Variants in MYRIP observed in about 807,000 individuals in gnomAD.
MYRIP encodes the protein rab effector MyRIP.
Under a neutral mutation model 98.0 loss-of-function variants are expected in MYRIP, and 49 were observed. That is an observed-to-expected ratio of 0.50 (90% CI 0.40 to 0.63). MYRIP has a LOEUF of 0.63. Ranked by LOEUF, MYRIP falls within the 30% of genes least tolerant of loss-of-function variation. The probability of loss-of-function intolerance (pLI) is 0.00; values close to 1 mark genes in which losing one functional copy is unlikely to be tolerated. For missense variants in MYRIP, 1,004 were observed against 1,058.2 expected (o/e 0.95, Z 0.71); for synonymous variants, 404 against 409.5 (o/e 0.99, Z 0.16).
intron 11 of MYRIP, among the ~76,000 whole-genome samples, chr3:40,220,091 A>G (rs1272617402): frequency 1.3e-5 from 2 of 151,438 alleles, no homozygotes; most frequent in Admixed American, 6.6e-5. Context: ...GCCAGTGATG[A>G]TGAGCATTTT....
intron 11 of MYRIP, among the ~76,000 whole-genome samples, chr3:40,218,613 T>TCACAC (rs1559460364): frequency 6.2e-5 from 1 of 16,248 alleles, no homozygotes; most frequent in East Asian, 2.3e-3. Context: ...ATATATATTT[T>TCACAC]ATATATATAT....
At chr3:40,193,871 T>C (rs1363928049) in intron 10 of MYRIP, among the ~76,000 whole-genome samples, 1 of 119,552 alleles carries the variant, frequency 8.4e-6, no homozygotes, top group Non-Finnish European at 1.8e-5. Context: ...CTAGCCTTGA[T>C]ATGCAATTTA....
In MYRIP at chr3:40,202,914, T is replaced by C. The variant is rs200109412; in HGVS notation, c.1666-6940T>C. 4.7e-3 allele frequency among the ~76,000 whole-genome samples: 522 copies of C among 110,210 alleles called. 3 individuals are homozygous for C. Among genetic ancestry groups the C allele is most frequent in the East Asian group, 8.1e-3 (37 of 4,550 alleles). The allele number at this position is 110,210 out of a possible 152,430, so 72.3% of individuals were successfully genotyped here. On this transcript the variant is annotated intron_variant, in intron 10 of 16. Coordinates refer to ENST00000302541, the MANE Select transcript of MYRIP (RefSeq NM_015460.4). ...CACCTCACCTCCATTTACTTATTTATTTATTTATTTATTTATTTATTTATT... is the reference window on the plus strand; with the variant it reads ...CACCTCACCTCCATTTACTTATTTACTTATTTATTTATTTATTTATTTATT...
chr3:39,877,778 G>T (rs1407040440), intron 1 of MYRIP, among the ~76,000 whole-genome samples: 1 of 152,184 alleles, frequency 6.6e-6, no homozygotes, highest in African/African-American at 2.4e-5. Flanking sequence ...CAGTTAGGCT[G>T]CTCGGGGGTC....
chr3:40,190,349 C>T lies in MYRIP; in HGVS notation c.1551C>T (p.Pro517=), dbSNP rs747715662. 6.2e-6 allele frequency: 10 copies of T among 1,613,828 alleles called. No individual in the cohort carries two copies. The highest frequency in any genetic ancestry group is 3.3e-5 in the Admixed American group (2 of 60,004). Residue 517 remains proline, a synonymous_variant, in exon 10 of 17, where the codon CCC becomes CCT. Transcript: ENST00000302541. The stretch of plus-strand genomic sequence containing the variant: ...ACAGCAGCGAGCCGGAGGAGGCCCC[C>T]CACACCACAGACCGGCGGGCCAGGA... ...TSDSSEPEEA[P]HTTDRRARRW...
intron 3 of MYRIP, among the ~76,000 whole-genome samples, chr3:40,059,544 C>CT (rs1213785559): frequency 6.6e-6 from 1 of 152,096 alleles, no homozygotes; most frequent in Non-Finnish European, 1.5e-5. Flanking sequence ...TGATGATGAG[C>CT]TTTTTTTCAT....
intron 3 of MYRIP, among the ~76,000 whole-genome samples, chr3:40,061,504 T>C (rs566773793): frequency 1.4e-4 from 22 of 152,372 alleles, no homozygotes; most frequent in African/African-American, 4.8e-4. Context: ...TTTAAGTTGA[T>C]TGCATGTCTT....
At chr3:40,103,468 C>T (rs565001451) in intron 3 of MYRIP, among the ~76,000 whole-genome samples, 64 of 152,230 alleles carry the variant, frequency 4.2e-4, no homozygotes, top group Admixed American at 1.2e-3. Context: ...AGATAAAATC[C>T]GGCCACAGAA....
intron 1 of MYRIP, among the ~76,000 whole-genome samples, chr3:39,890,559 CAA>C (rs1174615732): frequency 6.7e-6 from 1 of 150,042 alleles, no homozygotes; most frequent in East Asian, 1.9e-4. Flanking sequence ...TACTTATTAT[CAA>C]AAGAGTTTAA....
chr3:39,903,092 A>G (rs1170254213), intron 2 of MYRIP, among the ~76,000 whole-genome samples: 1 of 152,224 alleles, frequency 6.6e-6, no homozygotes, highest in Non-Finnish European at 1.5e-5. Context: ...TCCTCTGCCC[A>G]TGACCAGTGA....
chr3:40,083,168 A>G (rs1257072010), intron 3 of MYRIP, among the ~76,000 whole-genome samples: 1 of 152,212 alleles, frequency 6.6e-6, no homozygotes, highest in Admixed American at 6.5e-5. Flanking sequence ...GCATAATTCT[A>G]TGTCTGTGGG....
chr3:40,244,591 A>G lies in MYRIP; in HGVS notation c.2246A>G (p.His749Arg), dbSNP rs769678881. ...GTGGCCACGGCTGCAGCCCAAGTCC[A>G]CCATGCTGAACTCCAGGTGAGAACT... ...DQVATAAAQV[H>R]HAELQISDIE... The change falls in exon 13 of 17, where the codon CAC becomes CGC. Residue 749 changes from histidine to arginine, a missense_variant. By Grantham distance (29) the His-to-Arg change is conservative (BLOSUM62 0). Transcript: ENST00000302541. 5 of 1,612,748 alleles carry G rather than the reference A, an allele frequency of 3.1e-6. No homozygotes were observed. Among genetic ancestry groups the G allele is most frequent in the Middle Eastern group, 1.7e-4 (1 of 5,992 alleles).
intron 8 of MYRIP, among the ~76,000 whole-genome samples, chr3:40,179,188 A>G (rs1246266294): frequency 6.6e-6 from 1 of 152,154 alleles, no homozygotes; most frequent in East Asian, 1.9e-4. Flanking sequence ...TTGTGGCAGA[A>G]CCACACCTGG....
In MYRIP at chr3:40,156,518, A is replaced by T. The variant is rs546860578; in HGVS notation, c.469+5334A>T. 3.6e-4 allele frequency among the ~76,000 whole-genome samples: 55 copies of T among 152,214 alleles called. No homozygotes were observed. In the South Asian group the frequency reaches 0.01, roughly 29 times the overall value. On this transcript the variant is annotated intron_variant, in intron 4 of 16. Transcript: ENST00000302541. The stretch of plus-strand genomic sequence containing the variant: ...TATGAACTTTAAAGTAGTTTTTTCC[A>T]ATTCTGTGAAGAAAGTAATTGGTAG...
intron 2 of MYRIP, among the ~76,000 whole-genome samples, chr3:40,034,894 T>TAA (rs987940779): frequency 6.6e-6 from 1 of 151,216 alleles, no homozygotes; most frequent in African/African-American, 2.4e-5. Context: ...TATGCAGCCA[T>TAA]AAAAAAGGAT....
intron 1 of MYRIP, among the ~76,000 whole-genome samples, chr3:39,818,627 A>T (rs1941002214): frequency 6.6e-6 from 1 of 152,208 alleles, no homozygotes; most frequent in South Asian, 2.1e-4. Flanking sequence ...AAGTTTTTCT[A>T]TGATAGACTT....
At chr3:40,100,017 G>T in intron 3 of MYRIP, 1 of 985,200 alleles carries the variant, frequency 1.0e-6, no homozygotes, top group Non-Finnish European at 1.2e-6. Context: ...TAATAGAAAC[G>T]AGCAGTAGCA....
chr3:40,121,222 G>C (rs1949397473), intron 3 of MYRIP, among the ~76,000 whole-genome samples: 1 of 152,078 alleles, frequency 6.6e-6, no homozygotes, highest in Non-Finnish European at 1.5e-5. Context: ...TCCTAGAAGG[G>C]ACCAAGGGTA....
intron 2 of MYRIP, among the ~76,000 whole-genome samples, chr3:40,032,258 T>A (rs1654551675): frequency 1.3e-5 from 2 of 152,174 alleles, no homozygotes; most frequent in African/African-American, 4.8e-5. Context: ...CCAGTAGTCA[T>A]TCAGGAGCAG....
Sources: allele counts gnomAD v4.1 joint callset (sites outside exome capture counted in the v4.1 genomes callset), GRCh38; gene constraint gnomAD v4.1.1; transcripts MANE v1.5; gene names NCBI Gene and HGNC (gene_info 2026-07-23, HGNC 2026-07-21).